The following PODXL variants were observed in gnomAD, a reference collection of about 807,000 sequenced individuals.
PODXL encodes the protein podocalyxin like.
PODXL carries 20 observed loss-of-function variants against 48.9 expected under a neutral mutation model. The ratio of observed to expected loss-of-function variants is 0.41; its 90% CI spans 0.29 to 0.59. PODXL has a LOEUF of 0.59. Ranked by LOEUF, PODXL falls within the 20% of genes least tolerant of loss-of-function variation. The pLI is 0.31. For missense variants in PODXL, 606 were observed against 675.1 expected (o/e 0.90, Z 1.13); for synonymous variants, 295 against 287.4 (o/e 1.03, Z -0.27).
intron 1 of PODXL, among the ~76,000 whole-genome samples, chr7:131,549,081 AC>A (rs1412017005): frequency 1.1e-4 from 16 of 152,336 alleles, no homozygotes; most frequent in South Asian, 1.0e-3. Flanking sequence ...AGACAAACAA[AC>A]AAACCAATGA....
chr7:131,506,797 C>G, intron 5 of PODXL, 71 bp from the exon 6 acceptor site: 1 of 1,398,432 alleles, frequency 7.2e-7, no homozygotes, highest in East Asian at 2.5e-5. Context: ...GGCTGCCCTC[C>G]CAGCTAAGGT....
intron 1 of PODXL, among the ~76,000 whole-genome samples, chr7:131,513,487 C>T (rs373707830): frequency 3.9e-5 from 6 of 152,316 alleles, no homozygotes; most frequent in East Asian, 1.9e-4. Flanking sequence ...TTGGGAGTTC[C>T]GCACCCCGTG....
rs894883855 is a variant in PODXL, at chr7:131,531,452, C to T, written c.101-20019G>A. On this transcript the variant is annotated intron_variant, in intron 1 of 8. Transcript: ENST00000378555. ...TCGCCTCACTCTCGCCAACCAGTGTCGGCTCTCTTCCCCATCTGCATGTGC... is the reference window on the plus strand; with the variant it reads ...TCGCCTCACTCTCGCCAACCAGTGTTGGCTCTCTTCCCCATCTGCATGTGC... Among the ~76,000 whole-genome samples the T allele has an allele frequency of 3.3e-5, 5 of 152,296 alleles. No homozygotes were observed. In the East Asian group the frequency reaches 7.7e-4, roughly 24 times the overall value.
At chr7:131,549,158 G>C (rs1007801) in intron 1 of PODXL, among the ~76,000 whole-genome samples, 7,643 of 152,118 alleles carry the variant, frequency 0.05, 657 homozygotes, top group African/African-American at 0.17. Flanking sequence ...AGTGTGCTGG[G>C]GGGGAGGGGT....
intron 1 of PODXL, among the ~76,000 whole-genome samples, chr7:131,511,740 G>GCCA (rs1270493588): frequency 6.6e-6 from 1 of 152,118 alleles, no homozygotes; most frequent in Non-Finnish European, 1.5e-5. Flanking sequence ...ACAGGCGTGA[G>GCCA]CCACCACGCC....
intron 1 of PODXL, among the ~76,000 whole-genome samples, chr7:131,537,312 T>TAAA (rs35657411): frequency 3.4e-5 from 5 of 144,958 alleles, no homozygotes; most frequent in East Asian, 2.1e-4. Context: ...CCTGTTTTTT[T>TAAA]AAAAAAAAAA....
At chr7:131,524,379 C>CAGAGAGAGAGAGAGAG (rs58163575) in intron 1 of PODXL, among the ~76,000 whole-genome samples, 2,618 of 104,000 alleles carry the variant, frequency 0.025, 97 homozygotes, top group Middle Eastern at 0.069. Context: ...CACACACACA[C>CAGAGAGAGAGAGAGAG]AGAGAGAGAG....
intron 1 of PODXL, among the ~76,000 whole-genome samples, chr7:131,539,995 C>T (rs935475292): frequency 6.6e-6 from 1 of 152,214 alleles, no homozygotes; most frequent in Non-Finnish European, 1.5e-5. Flanking sequence ...TGCATATGAT[C>T]TCATTTGTGT....
intron 1 of PODXL, among the ~76,000 whole-genome samples, chr7:131,555,521 C>G (rs1364002916): frequency 6.6e-6 from 1 of 152,172 alleles, no homozygotes; most frequent in Non-Finnish European, 1.5e-5. Context: ...TCCTATTCTA[C>G]GAGAGAGAAG....
At chr7:131,531,029 G>A (rs1041170866) in intron 1 of PODXL, among the ~76,000 whole-genome samples, 2 of 152,080 alleles carry the variant, frequency 1.3e-5, no homozygotes, top group African/African-American at 4.8e-5. Flanking sequence ...TTGCACTCCA[G>A]TCTGGGCAAC....
chr7:131,552,092 G>A (rs1798676892), intron 1 of PODXL, among the ~76,000 whole-genome samples: 1 of 152,218 alleles, frequency 6.6e-6, no homozygotes, highest in South Asian at 2.1e-4. Flanking sequence ...CCACTGGCCA[G>A]ACATCCCTTC....
intron 1 of PODXL, among the ~76,000 whole-genome samples, chr7:131,534,105 C>T (rs1798328139): frequency 6.6e-6 from 1 of 152,082 alleles, no homozygotes; most frequent in African/African-American, 2.4e-5. Context: ...CTCCACTCCT[C>T]CTCCACTCCC....
chr7:131,532,107 T>TAATAATAAC (rs1798288654), intron 1 of PODXL, among the ~76,000 whole-genome samples: 1 of 139,482 alleles, frequency 7.2e-6, no homozygotes, highest in African/African-American at 2.7e-5. Flanking sequence ...CATCTCAAAA[T>TAATAATAAC]AATAATAATA....
In PODXL at chr7:131,506,569, C is replaced by T; in HGVS notation, c.1249+10G>A. 6.2e-7 allele frequency: 1 copy of T among 1,613,718 alleles called. No individual in the cohort carries two copies. Among genetic ancestry groups the T allele is most frequent in the African/African-American group, 1.3e-5 (1 of 75,062 alleles). ...AGGCCCCAGCCCAGGCCCCCTTGCCCTCCACTCACTGTGAATAGTGATTTC... is the reference window on the plus strand; with the variant it reads ...AGGCCCCAGCCCAGGCCCCCTTGCCTTCCACTCACTGTGAATAGTGATTTC... On this transcript the variant is annotated intron_variant, in intron 6 of 8. Transcript: ENST00000378555.
At chr7:131,554,711 T>G (rs941254862) in intron 1 of PODXL, among the ~76,000 whole-genome samples, 2 of 152,116 alleles carry the variant, frequency 1.3e-5, no homozygotes, top group African/African-American at 4.8e-5. Context: ...GTGGCTCAGC[T>G]TCCTTAAGCT....
Position 131,552,264 on chromosome 7 carries a change from C to T in PODXL, c.100+3996G>A, listed in dbSNP as rs1195241605. On this transcript the variant is annotated intron_variant, in intron 1 of 8. Coordinates refer to ENST00000378555, the MANE Select transcript of PODXL (RefSeq NM_001018111.3). Reference sequence around the variant, plus strand: ...TGTTGTTGGCCCCTCGAGGGCCTCACCGCATGGTGGAGGAGACACACAGAT... The same window carrying T: ...TGTTGTTGGCCCCTCGAGGGCCTCATCGCATGGTGGAGGAGACACACAGAT... 2.6e-5 allele frequency among the ~76,000 whole-genome samples: 4 copies of T among 152,234 alleles called. No individual in the cohort carries two copies. The East Asian group carries it at 7.7e-4, about 29-fold the overall frequency.
intron 1 of PODXL, among the ~76,000 whole-genome samples, chr7:131,542,228 A>T (rs1798494617): frequency 6.6e-6 from 1 of 152,202 alleles, no homozygotes; most frequent in South Asian, 2.1e-4. Flanking sequence ...TCAAGGCTCC[A>T]TGCCCCGTTC....
rs867482383 is a variant in PODXL at position 131,550,991 on chromosome 7, T to C, written c.100+5269A>G. 3.4e-4 allele frequency among the ~76,000 whole-genome samples: 52 copies of C among 152,248 alleles called. No individual in the cohort carries two copies. The Middle Eastern group carries it at 0.014, about 40-fold the overall frequency. ...TATGATTTTCTGGCTCATTTAGAAG[T>C]GGTGTGGAAAGTACCCTTTGCCAAC... On this transcript the variant is annotated intron_variant, in intron 1 of 8. Coordinates refer to ENST00000378555, the MANE Select transcript of PODXL (RefSeq NM_001018111.3).
intron 1 of PODXL, among the ~76,000 whole-genome samples, chr7:131,515,766 A>G (rs1339693861): frequency 6.6e-6 from 1 of 152,094 alleles, no homozygotes; most frequent in Non-Finnish European, 1.5e-5. Context: ...ATAAATCTCC[A>G]TCTTCAATGG....
Sources: gnomAD v4.1 joint callset for allele counts (sites outside exome capture counted in the v4.1 genomes callset) on GRCh38, gnomAD v4.1.1 for gene constraint, MANE v1.5 for transcripts, NCBI Gene and HGNC (gene_info 2026-07-23, HGNC 2026-07-21) for gene names.